Variants in CEP63 observed in about 807,000 individuals in gnomAD.
CEP63 encodes the protein centrosomal protein of 63 kDa.
Under a neutral mutation model 89.1 loss-of-function variants are expected in CEP63, and 84 were observed. That is an observed-to-expected ratio of 0.94 (90% CI 0.79 to 1.13). The LOEUF (loss-of-function observed/expected upper bound fraction) is 1.13. Among genes scored for constraint, CEP63 ranks in the 50% most tolerant of loss-of-function variants. The pLI, the probability that CEP63 is intolerant of heterozygous loss-of-function variation, is 0.00. For synonymous variants in CEP63, 267 were observed against 272.5 expected (o/e 0.98, Z 0.20); for missense variants, 838 against 813.3 (o/e 1.03, Z -0.37).
At chr3:134,651,077 C>T in the CEP63 span, 26 of 1,506,576 alleles carry the variant, frequency 1.7e-5, no homozygotes, top group South Asian at 3.3e-4. Context: ...CGGAAGAGGG[C>T]GCTCCCCCGC....
the CEP63 span, among the ~76,000 whole-genome samples, chr3:134,729,258 A>G: frequency 6.6e-6 from 1 of 152,202 alleles, no homozygotes; most frequent in Non-Finnish European, 1.5e-5. Context: ...ACCAGGGGTA[A>G]TCCCTTTTAT....
chr3:134,555,697 C>T (rs1956002060), intron 12 of CEP63, among the ~76,000 whole-genome samples: 1 of 151,954 alleles, frequency 6.6e-6, no homozygotes, highest in South Asian at 2.1e-4. Flanking sequence ...GGCTATACTG[C>T]CCAAGGTAAT....
chr3:134,575,233 CCCTT>C (rs765595667), downstream of CEP63, among the ~76,000 whole-genome samples: 26,009 of 53,864 alleles, frequency 0.48, 5,441 homozygotes, highest in Middle Eastern at 0.58. Flanking sequence ...CTCCCTCCCT[CCCTT>C]CCTTCCTTCC....
the CEP63 span, among the ~76,000 whole-genome samples, chr3:134,701,424 G>GTA: frequency 2.4e-5 from 2 of 83,184 alleles, no homozygotes; most frequent in South Asian, 4.0e-4. Flanking sequence ...ATATATATAC[G>GTA]TATATATGTG....
At chr3:134,675,503 A>G in the CEP63 span, among the ~76,000 whole-genome samples, 3 of 152,352 alleles carry the variant, frequency 2.0e-5, no homozygotes, top group East Asian at 5.8e-4. Flanking sequence ...ACAAAAAAGC[A>G]TGAGCAATCA....
rs1257589104 is a variant in CEP63, at chr3:134,495,425, G to A, written c.44+61G>A. The stretch of plus-strand genomic sequence containing the variant: ...TAATACATGATTACATATTTATAGG[G>A]TTCACATGATACTTTGATACATACA... On this transcript the variant is annotated intron_variant, in intron 2 of 14. Coordinates refer to ENST00000675561, the MANE Select transcript of CEP63 (RefSeq NM_001353108.3). The A allele has an allele frequency of 2.8e-6, 3 of 1,068,414 alleles. No individual in the cohort carries two copies. In the African/African-American group the frequency reaches 4.7e-5, roughly 17 times the overall value. The allele number at this position is 1,068,414 out of a possible 1,614,324, so 66.2% of individuals were successfully genotyped here.
chr3:134,625,113 G>T, the CEP63 span: 1 of 1,601,054 alleles, frequency 6.2e-7, no homozygotes. Flanking sequence ...TGGATTTCAG[G>T]CTAGATCGAT....
chr3:134,734,102 A>G, the CEP63 span, among the ~76,000 whole-genome samples: 2 of 152,234 alleles, frequency 1.3e-5, no homozygotes, highest in Non-Finnish European at 2.9e-5. Context: ...TACTCACTCT[A>G]AGGCTCAGCA....
chr3:134,577,665 A>G (rs1958247549), downstream of CEP63, among the ~76,000 whole-genome samples: 1 of 151,784 alleles, frequency 6.6e-6, no homozygotes, highest in South Asian at 2.1e-4. Context: ...CAGGTTTGTT[A>G]CACAGGTATA....
At chr3:134,658,359 A>G in the CEP63 span, among the ~76,000 whole-genome samples, 4 of 152,090 alleles carry the variant, frequency 2.6e-5, no homozygotes, top group African/African-American at 7.2e-5. Context: ...AAATATTTAA[A>G]TATTGGTTGG....
At chr3:134,607,514 G>A in the CEP63 span, 2 of 985,656 alleles carry the variant, frequency 2.0e-6, no homozygotes, top group Middle Eastern at 5.2e-4. Context: ...CCACCAGGCA[G>A]TCCTTTGCTG....
the CEP63 span, among the ~76,000 whole-genome samples, chr3:134,670,737 T>C: frequency 6.6e-6 from 1 of 152,186 alleles, no homozygotes; most frequent in African/African-American, 2.4e-5. Context: ...CATGGTTGCT[T>C]ATCACAGCAG....
At chr3:134,540,117 C>T (rs944563726) in intron 6 of CEP63, among the ~76,000 whole-genome samples, 2 of 152,148 alleles carry the variant, frequency 1.3e-5, no homozygotes, top group African/African-American at 4.8e-5. Flanking sequence ...TCATCTTACT[C>T]TCTCTATATT....
chr3:134,627,580 C>T, the CEP63 span, among the ~76,000 whole-genome samples: 3 of 152,182 alleles, frequency 2.0e-5, no homozygotes, highest in East Asian at 5.8e-4. Flanking sequence ...CCTTCTCCAC[C>T]TGTGTCCATG....
chr3:134,767,160 A>G, the CEP63 span, among the ~76,000 whole-genome samples: 1 of 152,166 alleles, frequency 6.6e-6, no homozygotes, highest in Non-Finnish European at 1.5e-5. Context: ...TGGCCTGTGC[A>G]CATTGGAGTG....
chr3:134,528,084 G>A (rs568678186), intron 3 of CEP63, among the ~76,000 whole-genome samples: 12 of 152,300 alleles, frequency 7.9e-5, no homozygotes, highest in East Asian at 3.9e-4. Context: ...CCAGAGGCCC[G>A]TGGCAAGAGT....
At chr3:134,567,478 A>AC (rs1330429469), downstream of CEP63, among the ~76,000 whole-genome samples, 1 of 151,672 alleles carries the variant, frequency 6.6e-6, no homozygotes, top group East Asian at 1.9e-4. Context: ...AAAAAAAAAA[A>AC]AAAAAGCCTC....
the CEP63 span, among the ~76,000 whole-genome samples, chr3:134,729,765 CA>C: frequency 5.3e-5 from 8 of 152,260 alleles, no homozygotes; most frequent in South Asian, 1.4e-3. Flanking sequence ...ACCTCAACGC[CA>C]AAAGCCAGTT....
downstream of CEP63, among the ~76,000 whole-genome samples, chr3:134,578,853 G>C (rs1425348402): frequency 2.6e-5 from 4 of 152,144 alleles, no homozygotes; most frequent in Admixed American, 2.6e-4. Context: ...CTCACATTCT[G>C]CAGGTTGCCT....
Sources: gnomAD v4.1 joint callset for allele counts (sites outside exome capture counted in the v4.1 genomes callset) on GRCh38, gnomAD v4.1.1 for gene constraint, MANE v1.5 for transcripts, NCBI Gene and HGNC (gene_info 2026-07-23, HGNC 2026-07-21) for gene names.